The following CRMP1 variants were observed in gnomAD, a reference collection of about 807,000 sequenced individuals.
CRMP1 encodes the protein dihydropyrimidinase-related protein 1.
CRMP1 carries 19 observed loss-of-function variants against 68.3 expected under a neutral mutation model. The observed-to-expected ratio is 0.28, with a 90% CI of 0.19 to 0.41. CRMP1 has a LOEUF of 0.41. CRMP1 is among the 10% of genes least tolerant of loss of function. The probability of loss-of-function intolerance (pLI) is 1.00; values close to 1 mark genes in which losing one functional copy is unlikely to be tolerated. For synonymous variants in CRMP1, 439 were observed against 399.6 expected (o/e 1.10, Z -1.18); for missense variants, 791 against 967.4 (o/e 0.82, Z 2.42).
At chr4:5,878,860 A>G (rs796855511) in intron 1 of CRMP1, among the ~76,000 whole-genome samples, 1 of 151,330 alleles carries the variant, frequency 6.6e-6, no homozygotes, top group African/African-American at 2.4e-5. Flanking sequence ...GCTCAGTTCC[A>G]TTTTCAGCTT....
At position 5,881,263 on chromosome 4, in the gene CRMP1, C is replaced by A. The variant is rs567824288; in HGVS notation, c.381+11326G>T. On this transcript the variant is annotated intron_variant, in intron 1 of 13. Coordinates refer to ENST00000324989, the MANE Select transcript of CRMP1 (RefSeq NM_001014809.3). The surrounding 1 kb of genome is among the most constrained non-coding windows in gnomAD (Gnocchi z 4.6). The stretch of plus-strand genomic sequence containing the variant: ...TCTCTATGAAGCATCCAAGATCCCA[C>A]TCCACTTCCCAAACTACCAACACCA... 6.6e-6 allele frequency among the ~76,000 whole-genome samples: 1 copy of A among 152,344 alleles called. No individual in the cohort carries two copies. Among genetic ancestry groups the A allele is most frequent in the South Asian group, 2.1e-4 (1 of 4,826 alleles).
chr4:5,827,507 C>T (rs1226241073), intron 12 of CRMP1, among the ~76,000 whole-genome samples: 1 of 152,150 alleles, frequency 6.6e-6, no homozygotes, highest in Admixed American at 6.5e-5. Flanking sequence ...AGGAAGGTCT[C>T]TGGACTTCTC....
At position 5,861,772 on chromosome 4, in the gene CRMP1, C is replaced by G. The variant is rs923077644; in HGVS notation, c.471-562G>C. 6.6e-6 allele frequency among the ~76,000 whole-genome samples: 1 copy of G among 152,104 alleles called. No individual in the cohort carries two copies. The highest frequency in any genetic ancestry group is 2.4e-5 in the African/African-American group (1 of 41,404). On this transcript the variant is annotated intron_variant, in intron 2 of 13. Transcript: ENST00000324989. The surrounding 1 kb of genome is among the most constrained non-coding windows in gnomAD (Gnocchi z 6.0). ...CTGGGGGAAGAGGCTCAGCCAGAAC[C>G]AGGAAAGGAACCCTGCAGCATCCAA...
At chr4:5,844,087 C>A (rs17749484) in intron 6 of CRMP1, among the ~76,000 whole-genome samples, 23,300 of 151,432 alleles carry the variant, frequency 0.15, 1,973 homozygotes, top group Middle Eastern at 0.28. Context: ...GGCCTCATCA[C>A]CCATGAAAAG....
At chr4:5,862,975 T>C (rs750854130) in intron 2 of CRMP1, among the ~76,000 whole-genome samples, 1 of 152,104 alleles carries the variant, frequency 6.6e-6, no homozygotes, top group East Asian at 1.9e-4. Flanking sequence ...GCCCAGGTAA[T>C]TTTGTTTTTA....
intron 1 of CRMP1, among the ~76,000 whole-genome samples, chr4:5,868,491 C>CGG (rs367988028): frequency 0.016 from 2,377 of 151,560 alleles, 72 homozygotes; most frequent in African/African-American, 0.054. Flanking sequence ...TTAGTAGAGA[C>CGG]GGGGTTTCAC....
chr4:5,845,058 G>A (rs1431049238), intron 6 of CRMP1, among the ~76,000 whole-genome samples: 1 of 152,210 alleles, frequency 6.6e-6, no homozygotes, highest in East Asian at 1.9e-4. Context: ...GCCAAAGATG[G>A]ATCTCACACG....
In CRMP1 at chr4:5,870,201, T is replaced by G. The variant is rs1268062098; in HGVS notation, c.382-3445A>C. Among the ~76,000 whole-genome samples, 1 of 152,330 alleles carries G rather than the reference T, an allele frequency of 6.6e-6. No individual in the cohort carries two copies. The highest frequency in any genetic ancestry group is 1.9e-4 in the East Asian group (1 of 5,182). ...TTTGGGCCCTGCTTGATGTTACTTA[T>G]CTGAGTGCCCTCCGCTCGACTTCCC... is the stretch of plus-strand genomic sequence containing the variant. On this transcript the variant is annotated intron_variant, in intron 1 of 13. Transcript: ENST00000324989. The surrounding 1 kb of genome is among the most constrained non-coding windows in gnomAD (Gnocchi z 6.0).
chr4:5,887,587 C>T, intron 1 of CRMP1: 1 of 985,028 alleles, frequency 1.0e-6, no homozygotes, highest in Non-Finnish European at 1.2e-6. Flanking sequence ...CCACCGTCCC[C>T]ACCCTCTCGC....
chr4:5,824,619 G>A lies in CRMP1; in HGVS notation c.1969+875C>T. 4 of 947,604 alleles carry A rather than the reference G, an allele frequency of 4.2e-6. No homozygotes were observed. In the South Asian group the frequency reaches 1.5e-4, roughly 35 times the overall value. 58.7% of individuals were successfully genotyped at this position (947,604 alleles called of 1,614,324 possible). A position where few individuals can be genotyped will look rare whatever the true frequency, so the allele number is the denominator to read the frequency against. ...TGTTTCTGTACGATCCATGACCTGA[G>A]AATAGTTTGTACATTTTCAAATGGC... On this transcript the variant is annotated intron_variant, in intron 13 of 13. Coordinates refer to ENST00000324989, the MANE Select transcript of CRMP1 (RefSeq NM_001014809.3).
intron 1 of CRMP1, among the ~76,000 whole-genome samples, chr4:5,868,253 CTATATATCTATA>C (rs1344128777): frequency 0.021 from 1,715 of 82,946 alleles, 16 homozygotes; most frequent in Non-Finnish European, 0.032. Context: ...TTCTTCATGA[CTATATATCTATA>C]TATATATATA....
chr4:5,844,772 G>A (rs1456654445), intron 6 of CRMP1, among the ~76,000 whole-genome samples: 4 of 152,178 alleles, frequency 2.6e-5, no homozygotes, highest in African/African-American at 9.7e-5. Flanking sequence ...GTGCGTGCAC[G>A]CTGGGAAACT....
chr4:5,842,747 AG>A lies in CRMP1; in HGVS notation c.1032+345del, dbSNP rs540389915. ...CTTTTTCAAGGCTTGGGAACAGGGC[AG>A]GCAGTGGGAGTTGTCTCCTGGGTGC... On this transcript the variant is annotated intron_variant, in intron 7 of 13. Coordinates refer to ENST00000324989, the MANE Select transcript of CRMP1 (RefSeq NM_001014809.3). The surrounding 1 kb of genome is among the most constrained non-coding windows in gnomAD (Gnocchi z 4.5). Among the ~76,000 whole-genome samples the A allele has an allele frequency of 3.2e-4, 49 of 152,162 alleles. No homozygotes were observed. The highest frequency in any genetic ancestry group is 6.3e-4 in the Non-Finnish European group (43 of 68,028).
Position 5,825,994 on chromosome 4 carries a change from T to C in CRMP1, c.1804-335A>G, listed in dbSNP as rs1019263448. On this transcript the variant is annotated intron_variant, in intron 12 of 13. Transcript: ENST00000324989. The surrounding 1 kb of genome is among the most constrained non-coding windows in gnomAD (Gnocchi z 4.4). ...AACAAAACAGGCCTACACAGTAGCA[T>C]ACACGCGTGAACACGCACACACACT... 2.8e-6 allele frequency: 1 copy of C among 360,680 alleles called. No homozygotes were observed. The highest frequency in any genetic ancestry group is 5.0e-6 in the Non-Finnish European group (1 of 200,080). 22.3% of individuals were successfully genotyped at this position (360,680 alleles called of 1,614,324 possible). A position where few individuals can be genotyped will look rare whatever the true frequency, so the allele number is the denominator to read the frequency against.
At chr4:5,833,542 A>AACTT (rs200481093) in intron 11 of CRMP1, among the ~76,000 whole-genome samples, 14,308 of 142,602 alleles carry the variant, frequency 0.1, 1,245 homozygotes, top group African/African-American at 0.27. Flanking sequence ...GTCCAGAGGA[A>AACTT]ACTTACACAT....
chr4:5,874,292 A>G (rs892524800), intron 1 of CRMP1, among the ~76,000 whole-genome samples: 1 of 152,244 alleles, frequency 6.6e-6, no homozygotes, highest in African/African-American at 2.4e-5. Flanking sequence ...AAGCACGAAC[A>G]AAAGTGCTAG....
Position 5,870,873 on chromosome 4 carries a change from A to C in CRMP1, c.382-4117T>G, listed in dbSNP as rs955000939. On this transcript the variant is annotated intron_variant, in intron 1 of 13. Transcript: ENST00000324989. This position sits in a 1 kb window ranked among gnomAD's most constrained non-coding sequence, Gnocchi z 6.0. ...AGGAAGCACCCACAAGCTGGCGTGC[A>C]TGTTTCCCCGGCTCCAGAACAGGAA... 5.3e-5 allele frequency among the ~76,000 whole-genome samples: 8 copies of C among 152,270 alleles called. No homozygotes were observed. Among genetic ancestry groups the C allele is most frequent in the Non-Finnish European group, 1.2e-4 (8 of 68,020 alleles).
At chr4:5,868,627 A>C (rs1260933060) in intron 1 of CRMP1, among the ~76,000 whole-genome samples, 3 of 152,124 alleles carry the variant, frequency 2.0e-5, no homozygotes, top group Non-Finnish European at 2.9e-5. Flanking sequence ...CTTTTAAAAT[A>C]ATCACAAAAT....
intron 9 of CRMP1, 31 bp from the exon 10 acceptor site, chr4:5,836,937 AC>A: frequency 6.4e-7 from 1 of 1,565,916 alleles, no homozygotes; most frequent in Admixed American, 1.9e-5. Context: ...TAGAGTTCAG[AC>A]CCTAGTTCAT....
Sources: allele counts gnomAD v4.1 joint callset (sites outside exome capture counted in the v4.1 genomes callset), GRCh38; gene constraint gnomAD v4.1.1; non-coding constraint Gnocchi (gnomAD v3.1); transcripts MANE v1.5; gene names NCBI Gene and HGNC (gene_info 2026-07-23, HGNC 2026-07-21).